The following MNAT1 variants were observed in gnomAD, a reference collection of about 807,000 sequenced individuals.
The protein encoded by MNAT1 is MNAT1 component of CDK activating kinase, also known as CDK-activating kinase assembly factor MAT1.
MNAT1 carries 43 observed loss-of-function variants against 42.0 expected under a neutral mutation model. That is an observed-to-expected ratio of 1.02 (90% CI 0.80 to 1.32). MNAT1 has a LOEUF of 1.32. Ranked by LOEUF, MNAT1 falls within the 40% of genes most tolerant of loss-of-function variation. The pLI, the probability that MNAT1 is intolerant of heterozygous loss-of-function variation, is 0.00. For missense variants in MNAT1, 306 were observed against 350.4 expected, an observed-to-expected ratio of 0.87 and a Z score of 1.01; for synonymous variants, 118 against 120.0, an observed-to-expected ratio of 0.98 and a Z score of 0.11.
At chr14:60,752,937 GTA>G (rs2140294259) in intron 1 of MNAT1, among the ~76,000 whole-genome samples, 1 of 152,212 alleles carries the variant, frequency 6.6e-6, no homozygotes, top group South Asian at 2.1e-4. Flanking sequence ...ACTAATTTTT[GTA>G]TTTTTAGTAG....
At chr14:60,761,843 T>C (rs1019598824) in intron 1 of MNAT1, among the ~76,000 whole-genome samples, 58 of 152,364 alleles carry the variant, frequency 3.8e-4, no homozygotes, top group African/African-American at 1.2e-3. Context: ...TTTCCCTTTC[T>C]TATATCTTGT....
rs769492735 is a variant in MNAT1 at position 60,808,401 on chromosome 14, T to C, written c.393T>C (p.Asp131=). Residue 131 remains aspartate, a synonymous_variant, in exon 4 of 8, where the codon GAT becomes GAC. Coordinates refer to ENST00000261245, the MANE Select transcript of MNAT1 (RefSeq NM_002431.4). ...AGATATACCAAAAGGAAAACAAAGA[T>C]GTTATTCAGAAAAATAAATTAAAGC... is the stretch of plus-strand genomic sequence containing the variant. ...KMEIYQKENK[D]VIQKNKLKLT... 4 of 1,568,366 alleles carry C rather than the reference T, an allele frequency of 2.6e-6. No individual in the cohort carries two copies. Among genetic ancestry groups the C allele is most frequent in the Non-Finnish European group, 3.5e-6 (4 of 1,159,112 alleles).
At chr14:60,888,666 T>C (rs1303349722) in intron 7 of MNAT1, among the ~76,000 whole-genome samples, 1 of 148,554 alleles carries the variant, frequency 6.7e-6, no homozygotes, top group East Asian at 2.0e-4. Context: ...TTGTCCCTGT[T>C]TGCAGATGAC....
intron 7 of MNAT1, among the ~76,000 whole-genome samples, chr14:60,918,811 G>T (rs2035590229): frequency 6.6e-6 from 1 of 150,796 alleles, no homozygotes; most frequent in African/African-American, 2.4e-5. Flanking sequence ...TGAGGGATCT[G>T]CTTTGAAGTG....
chr14:60,739,155 G>A (rs1377112053), intron 1 of MNAT1, among the ~76,000 whole-genome samples: 1 of 152,100 alleles, frequency 6.6e-6, no homozygotes, highest in Non-Finnish European at 1.5e-5. Flanking sequence ...CTAGTGATAT[G>A]AGCGGAGGTA....
intron 7 of MNAT1, among the ~76,000 whole-genome samples, chr14:60,912,138 T>C (rs538295414): frequency 1.9e-3 from 291 of 152,308 alleles, no homozygotes; most frequent in African/African-American, 6.7e-3. Context: ...AGACTAGGAT[T>C]GCAACCCCTG....
chr14:60,902,564 G>A (rs1188085277), intron 7 of MNAT1, among the ~76,000 whole-genome samples: 2 of 152,040 alleles, frequency 1.3e-5, no homozygotes, highest in African/African-American at 2.4e-5. Context: ...ATAAAATACT[G>A]TGAATCAAGT....
chr14:60,904,242 A>C (rs1346480553), intron 7 of MNAT1, among the ~76,000 whole-genome samples: 1 of 152,248 alleles, frequency 6.6e-6, no homozygotes, highest in African/African-American at 2.4e-5. Flanking sequence ...AAAATACAAA[A>C]ATCACAAAAA....
At chr14:60,757,179 G>A (rs948023599) in intron 1 of MNAT1, among the ~76,000 whole-genome samples, 4 of 152,132 alleles carry the variant, frequency 2.6e-5, no homozygotes, top group Non-Finnish European at 4.4e-5. Context: ...AACTAACGGT[G>A]TATGGAGTAA....
At chr14:60,805,044 C>T (rs558329961) in intron 3 of MNAT1, among the ~76,000 whole-genome samples, 15 of 152,136 alleles carry the variant, frequency 9.9e-5, no homozygotes, top group African/African-American at 3.4e-4. Flanking sequence ...TAATTTAGTC[C>T]TGTCCTTTTG....
At chr14:60,910,983 T>C (rs1050239968) in intron 7 of MNAT1, among the ~76,000 whole-genome samples, 6 of 152,224 alleles carry the variant, frequency 3.9e-5, no homozygotes, top group African/African-American at 1.4e-4. Context: ...AAACTCTTAA[T>C]TATTGTCTCT....
At chr14:60,848,626 G>T (rs1306422650) in intron 6 of MNAT1, among the ~76,000 whole-genome samples, 1 of 151,968 alleles carries the variant, frequency 6.6e-6, no homozygotes, top group East Asian at 1.9e-4. Context: ...ACTTCATGTT[G>T]TGGCGTTATG....
At chr14:60,806,932 G>T (rs967039895) in intron 3 of MNAT1, among the ~76,000 whole-genome samples, 1 of 152,174 alleles carries the variant, frequency 6.6e-6, no homozygotes, top group Non-Finnish European at 1.5e-5. Flanking sequence ...ACTGTTTTGT[G>T]TCAGGACTAG....
chr14:60,825,350 CAG>C (rs2033023974), intron 6 of MNAT1, among the ~76,000 whole-genome samples: 1 of 152,104 alleles, frequency 6.6e-6, no homozygotes, highest in Non-Finnish European at 1.5e-5. Flanking sequence ...GAGACTGACA[CAG>C]AATACAGATG....
At chr14:60,853,315 T>A (rs1239953185) in intron 6 of MNAT1, among the ~76,000 whole-genome samples, 3 of 152,196 alleles carry the variant, frequency 2.0e-5, no homozygotes, top group African/African-American at 7.2e-5. Context: ...CAATTGTGAA[T>A]GGGAGTTCAC....
intron 6 of MNAT1, among the ~76,000 whole-genome samples, chr14:60,868,553 A>G (rs1164643679): frequency 6.6e-6 from 1 of 152,174 alleles, no homozygotes; most frequent in Admixed American, 6.5e-5. Flanking sequence ...AATGACCCTA[A>G]GAAATAAAAG....
intron 7 of MNAT1, among the ~76,000 whole-genome samples, chr14:60,917,430 T>G (rs987022652): frequency 6.6e-6 from 1 of 152,212 alleles, no homozygotes; most frequent in Non-Finnish European, 1.5e-5. Flanking sequence ...GATTTAAATA[T>G]AGCGCAATCA....
chr14:60,780,944 T>A (rs922142194), intron 1 of MNAT1, among the ~76,000 whole-genome samples: 1 of 152,200 alleles, frequency 6.6e-6, no homozygotes, highest in Non-Finnish European at 1.5e-5. Flanking sequence ...TCAAGTAGCT[T>A]GACTCAGTAT....
intron 6 of MNAT1, among the ~76,000 whole-genome samples, chr14:60,826,282 A>T (rs2033050084): frequency 6.7e-6 from 1 of 149,808 alleles, no homozygotes; most frequent in Non-Finnish European, 1.5e-5. Context: ...TCTACTTATC[A>T]CTATTTTATG....
Sources: gnomAD v4.1 joint callset for allele counts (sites outside exome capture counted in the v4.1 genomes callset) on GRCh38, gnomAD v4.1.1 for gene constraint, MANE v1.5 for transcripts, NCBI Gene and HGNC (gene_info 2026-07-23, HGNC 2026-07-21) for gene names.